SGCD: variants seen among roughly 807,000 people sequenced by gnomAD.
SGCD encodes the protein sarcoglycan delta.
A neutral mutation model predicts 36.6 loss-of-function variants in SGCD; 18 were observed. The observed-to-expected ratio is 0.49, with a 90% CI of 0.34 to 0.73. The LOEUF is 0.73. SGCD is among the 30% of genes least tolerant of loss of function. SGCD has a pLI of 0.01. For missense variants in SGCD, 387 were observed against 346.7 expected (o/e 1.12, Z -0.92); for synonymous variants, 133 against 130.6 (o/e 1.02, Z -0.12).
chr5:156,325,002 T>C (rs1767771028), upstream of SGCD, among the ~76,000 whole-genome samples: 1 of 152,188 alleles, frequency 6.6e-6, no homozygotes, highest in Admixed American at 6.5e-5. Flanking sequence ...TAGTCTTCTA[T>C]TTATAGAATG....
At chr5:156,109,711 T>C (rs1467434756) in intron 1 of SGCD, among the ~76,000 whole-genome samples, 1 of 152,172 alleles carries the variant, frequency 6.6e-6, no homozygotes, top group Non-Finnish European at 1.5e-5. Flanking sequence ...CCCTTCAGCC[T>C]CCATCTCATG....
chr5:155,804,863 T>C, the SGCD span, among the ~76,000 whole-genome samples: 1 of 152,228 alleles, frequency 6.6e-6, no homozygotes, highest in Non-Finnish European at 1.5e-5. Context: ...ACACCATCTA[T>C]GTACCAGACA....
At chr5:155,818,634 C>T in the SGCD span, among the ~76,000 whole-genome samples, 1 of 152,218 alleles carries the variant, frequency 6.6e-6, no homozygotes, top group South Asian at 2.1e-4. Context: ...GATCCTCCCA[C>T]CTGAGCCTCC....
chr5:156,607,725 C>A (rs916152446), intron 6 of SGCD, among the ~76,000 whole-genome samples: 13 of 152,096 alleles, frequency 8.5e-5, no homozygotes, highest in Admixed American at 5.2e-4. Context: ...ATTTCAGAGC[C>A]TGTTATTGGT....
chr5:155,825,851 C>A, the SGCD span, among the ~76,000 whole-genome samples: 3 of 152,026 alleles, frequency 2.0e-5, no homozygotes, highest in East Asian at 5.8e-4. Flanking sequence ...TGGATTCAAG[C>A]AATTCTTGTG....
chr5:156,027,707 G>A (rs1424417469), intron 1 of SGCD, among the ~76,000 whole-genome samples: 1 of 152,082 alleles, frequency 6.6e-6, no homozygotes, highest in African/African-American at 2.4e-5. Context: ...ACATTATTTT[G>A]TATAGTACAT....
chr5:156,609,114 T>A (rs1761644567), intron 6 of SGCD, among the ~76,000 whole-genome samples: 1 of 152,176 alleles, frequency 6.6e-6, no homozygotes, highest in Non-Finnish European at 1.5e-5. Flanking sequence ...TTTTGCTCAT[T>A]AGTTGATGCA....
At chr5:155,824,906 C>G in the SGCD span, among the ~76,000 whole-genome samples, 1,216 of 152,282 alleles carry the variant, frequency 8.0e-3, 16 homozygotes, top group African/African-American at 0.028. Flanking sequence ...AATGACTTCT[C>G]TCTACTTGCT....
rs778555167 is a variant in SGCD, at chr5:156,766,896, C to T, written c.*7506C>T. 4.6e-5 allele frequency: 7 copies of T among 152,130 alleles called. No individual in the cohort carries two copies. Among genetic ancestry groups the T allele is most frequent in the Non-Finnish European group, 8.8e-5 (6 of 68,038 alleles). The allele number at this position is 152,130 out of a possible 1,614,324, so 9.4% of individuals were successfully genotyped here. ...TCTCTGATGTGCTTTTTCCACAACACATATCTGGTCCTCTGGCAGGATTGT... is the reference window on the plus strand; with the variant it reads ...TCTCTGATGTGCTTTTTCCACAACATATATCTGGTCCTCTGGCAGGATTGT... On this transcript the variant is annotated 3_prime_UTR_variant, in exon 9 of 9. Transcript: ENST00000337851.
intron 3 of SGCD, among the ~76,000 whole-genome samples, chr5:156,443,252 T>C (rs1439346586): frequency 2.6e-5 from 4 of 152,222 alleles, no homozygotes; most frequent in Non-Finnish European, 5.9e-5. Flanking sequence ...CCCAAAGTGC[T>C]GGGATTACAG....
chr5:156,162,589 T>C (rs1581139016), intron 3 of SGCD, among the ~76,000 whole-genome samples: 2 of 151,700 alleles, frequency 1.3e-5, no homozygotes, highest in Middle Eastern at 6.8e-3. Context: ...TGTCCTACTA[T>C]GGTTTCTGAA....
At chr5:156,480,182 T>C (rs1171066368) in intron 3 of SGCD, among the ~76,000 whole-genome samples, 12 of 152,238 alleles carry the variant, frequency 7.9e-5, no homozygotes, top group Admixed American at 7.2e-4. Flanking sequence ...TATGAGTATG[T>C]TCAACTCTAC....
chr5:156,429,372 C>A (rs1773828371), intron 3 of SGCD, among the ~76,000 whole-genome samples: 1 of 144,530 alleles, frequency 6.9e-6, no homozygotes, highest in African/African-American at 2.6e-5. Flanking sequence ...ATATCTTTTT[C>A]TACCCCTTTA....
At chr5:155,844,456 T>TGTGTGTGTGA in the SGCD span, among the ~76,000 whole-genome samples, 1 of 148,070 alleles carries the variant, frequency 6.8e-6, no homozygotes, top group Non-Finnish European at 1.5e-5. Context: ...TGTGTGTGTG[T>TGTGTGTGTGA]TATAAACAAG....
intron 1 of SGCD, among the ~76,000 whole-genome samples, chr5:155,907,582 G>A (rs764503823): frequency 1.2e-4 from 18 of 152,092 alleles, no homozygotes; most frequent in Non-Finnish European, 2.1e-4. Context: ...GACTTCAGAG[G>A]AAGAAGTAAC....
At chr5:155,815,792 G>A in the SGCD span, among the ~76,000 whole-genome samples, 1 of 152,072 alleles carries the variant, frequency 6.6e-6, no homozygotes, top group African/African-American at 2.4e-5. Flanking sequence ...ACCTTCCTCA[G>A]ACTCCTCTTC....
chr5:156,140,418 G>A (rs1389909943), intron 3 of SGCD, among the ~76,000 whole-genome samples: 2 of 152,194 alleles, frequency 1.3e-5, no homozygotes, highest in Non-Finnish European at 2.9e-5. Flanking sequence ...TGTGGATGCT[G>A]AAAGACCAGT....
chr5:155,895,896 T>C (rs1170214322), intron 1 of SGCD, among the ~76,000 whole-genome samples: 1 of 152,230 alleles, frequency 6.6e-6, no homozygotes, highest in Non-Finnish European at 1.5e-5. Flanking sequence ...AATGCTGACA[T>C]TGTTTTAGTT....
At chr5:155,775,894 A>G in the SGCD span, among the ~76,000 whole-genome samples, 1 of 152,292 alleles carries the variant, frequency 6.6e-6, no homozygotes, top group African/African-American at 2.4e-5. Flanking sequence ...TTGTAGAAAC[A>G]GACAATAGGG....
Sources: gnomAD v4.1 joint callset for allele counts (sites outside exome capture counted in the v4.1 genomes callset) on GRCh38, gnomAD v4.1.1 for gene constraint, MANE v1.5 for transcripts, NCBI Gene and HGNC (gene_info 2026-07-23, HGNC 2026-07-21) for gene names.